PRRC2B: variants seen among roughly 807,000 people sequenced by gnomAD.
PRRC2B encodes the protein protein PRRC2B.
Under a neutral mutation model 242.3 loss-of-function variants are expected in PRRC2B, and 68 were observed. The observed-to-expected ratio is 0.28, with a 90% CI of 0.23 to 0.34. PRRC2B has a LOEUF of 0.34. Among genes scored for constraint, PRRC2B ranks in the 10% least tolerant of loss-of-function variants. PRRC2B has a pLI of 1.00. For synonymous variants in PRRC2B, 1,228 were observed against 1,173.6 expected (o/e 1.05, Z -0.95); for missense variants, 2,835 against 2,954.8 (o/e 0.96, Z 0.94).
At chr9:131,397,557 T>C (rs552940149) in intron 1 of PRRC2B, among the ~76,000 whole-genome samples, 77 of 129,678 alleles carry the variant, frequency 5.9e-4, no homozygotes, top group Non-Finnish European at 1.1e-3. Flanking sequence ...TATTGTACTT[T>C]TGAGGGTTTT....
intron 3 of PRRC2B, among the ~76,000 whole-genome samples, chr9:131,435,494 A>T (rs1838325927): frequency 1.3e-5 from 2 of 151,794 alleles, no homozygotes; most frequent in Non-Finnish European, 2.9e-5. Flanking sequence ...GCATAACTGT[A>T]ATCCCAGATA....
At chr9:131,493,559 T>A (rs1231038809) in intron 30 of PRRC2B, among the ~76,000 whole-genome samples, 2 of 152,238 alleles carry the variant, frequency 1.3e-5, no homozygotes, top group Admixed American at 6.5e-5. Context: ...TAGGAATGAA[T>A]GGCAGCAGAT....
At chr9:131,448,543 C>G (rs1408958286) in intron 9 of PRRC2B, among the ~76,000 whole-genome samples, 1 of 39,874 alleles carries the variant, frequency 2.5e-5, no homozygotes, top group Non-Finnish European at 5.3e-5. Flanking sequence ...GACACTGTCT[C>G]AAAAAAAAAA....
At position 131,458,158 on chromosome 9, in the gene PRRC2B, CT is replaced by C. The variant is rs139726854; in HGVS notation, c.1212-1001del. 9.4e-3 allele frequency among the ~76,000 whole-genome samples: 1,428 copies of C among 152,164 alleles called. 25 individuals carry two copies. Among genetic ancestry groups the C allele is most frequent in the African/African-American group, 0.033 (1,353 of 41,494 alleles). ...TCGGCTCTGCTTGTCTCCTCTTGCTCTTTTTATTGTGGCACTGTTTAGTAGT... is the reference window on the plus strand; with the variant it reads ...TCGGCTCTGCTTGTCTCCTCTTGCTCTTTTATTGTGGCACTGTTTAGTAGT... On this transcript the variant is annotated intron_variant, in intron 10 of 31. Coordinates refer to ENST00000683519, the MANE Select transcript of PRRC2B (RefSeq NM_013318.4).
At position 131,465,039 on chromosome 9, in the gene PRRC2B, A is replaced by G. The variant is rs1451974995; in HGVS notation, c.1681A>G (p.Lys561Glu). ...KEVPWSPSAEKASPQENGPAV... is the reference protein window; with the variant it reads ...KEVPWSPSAEEASPQENGPAV... ...AGTGCCCTGGTCTCCAAGTGCTGAG[A>G]AGGCATCTCCCCAGGAAAACGGCCC... The change falls in exon 12 of 32, where the codon AAG (lysine) becomes GAG (glutamate). Residue 561 changes from lysine (K) to glutamate (E), a missense_variant. This residue lies in a region of PRRC2B where 1,536 missense variants were observed against 1,483.1 expected (regional missense o/e 1.04). Coordinates refer to ENST00000683519, the MANE Select transcript of PRRC2B (RefSeq NM_013318.4). 6.2e-7 allele frequency: 1 copy of G among 1,613,956 alleles called. No homozygotes were observed. Among genetic ancestry groups the G allele is most frequent in the Admixed American group, 1.7e-5 (1 of 60,018 alleles).
intron 11 of PRRC2B, among the ~76,000 whole-genome samples, chr9:131,460,795 G>T (rs1175865294): frequency 6.6e-6 from 1 of 152,026 alleles, no homozygotes; most frequent in Non-Finnish European, 1.5e-5. Flanking sequence ...CCGGATGCAT[G>T]ACCTGTCTTG....
In PRRC2B at chr9:131,482,321, A is replaced by G. The variant is rs553654806; in HGVS notation, c.4984-50A>G. The G allele has an allele frequency of 2.6e-6, 4 of 1,511,512 alleles. No individual in the cohort carries two copies. The South Asian group carries it at 3.9e-5, about 15-fold the overall frequency. The allele number at this position is 1,511,512 out of a possible 1,614,324, so 93.6% of individuals were successfully genotyped here. ...TGCCACATGCAGTTTTACTCTCTGGATAATCGAGTTGGGAGTTTGAGGCTA... is the reference window on the plus strand; with the variant it reads ...TGCCACATGCAGTTTTACTCTCTGGGTAATCGAGTTGGGAGTTTGAGGCTA... On this transcript the variant is annotated intron_variant, in intron 20 of 31. Transcript: ENST00000683519. This position sits in a 1 kb window ranked among gnomAD's most constrained non-coding sequence, Gnocchi z 5.2.
chr9:131,400,905 A>C (rs1156846708), intron 1 of PRRC2B, among the ~76,000 whole-genome samples: 1 of 150,944 alleles, frequency 6.6e-6, no homozygotes, highest in Non-Finnish European at 1.5e-5. Context: ...GGTGGGGAGG[A>C]GGCCCTGGAG....
At chr9:131,455,241 A>C (rs1361464523) in intron 10 of PRRC2B, 75 bp downstream of exon 10, 8 of 1,023,720 alleles carry the variant, frequency 7.8e-6, no homozygotes, top group Non-Finnish European at 1.2e-5. Context: ...AGCATTTCCC[A>C]GTTTCCATAG....
chr9:131,400,963 CTT>C (rs765033495), intron 1 of PRRC2B, among the ~76,000 whole-genome samples: 21 of 131,282 alleles, frequency 1.6e-4, no homozygotes, highest in Non-Finnish European at 1.4e-4. Context: ...TTCTTTCTTT[CTT>C]TTTTTTTTTT....
intron 28 of PRRC2B, among the ~76,000 whole-genome samples, chr9:131,490,239 C>T (rs537325506): frequency 6.6e-6 from 1 of 150,768 alleles, no homozygotes; most frequent in Non-Finnish European, 1.5e-5. Context: ...CACCTCACCC[C>T]CTTACCCTTC....
intron 23 of PRRC2B, among the ~76,000 whole-genome samples, chr9:131,484,040 C>T (rs1943946578): frequency 6.6e-6 from 1 of 152,186 alleles, no homozygotes; most frequent in Non-Finnish European, 1.5e-5. Flanking sequence ...GAGTGCTGTA[C>T]AATATTCATA....
Position 131,468,824 on chromosome 9 carries a change from CTT to C in PRRC2B, c.1911+1072_1911+1073del, listed in dbSNP as rs1564293716. 2.0e-5 allele frequency among the ~76,000 whole-genome samples: 3 copies of C among 152,312 alleles called. No homozygotes were observed. In the East Asian group the frequency reaches 5.8e-4, roughly 29 times the overall value. Reference sequence around the variant, plus strand: ...ACCTTTAAACTTCTCACCTCAGCCTCTTCTCTCCTCTGGGCACCTGGGAGCCT... The same window carrying C: ...ACCTTTAAACTTCTCACCTCAGCCTCCTCTCCTCTGGGCACCTGGGAGCCT... On this transcript the variant is annotated intron_variant, in intron 13 of 31. Coordinates refer to ENST00000683519, the MANE Select transcript of PRRC2B (RefSeq NM_013318.4).
intron 1 of PRRC2B, among the ~76,000 whole-genome samples, chr9:131,420,522 T>TCC (rs1468544764): frequency 7.7e-6 from 1 of 130,212 alleles, no homozygotes; most frequent in Admixed American, 8.4e-5. Context: ...AGATGGAGGC[T>TCC]CCCTCTGTCG....
rs145805573 is a variant in PRRC2B at position 131,476,842 on chromosome 9, G to T, written c.4406+307G>T. Among the ~76,000 whole-genome samples, 561 of 151,938 alleles carry T rather than the reference G, an allele frequency of 3.7e-3. 5 individuals carry two copies. The highest frequency in any genetic ancestry group is 0.013 in the African/African-American group (550 of 41,506). On this transcript the variant is annotated intron_variant, in intron 16 of 31. Transcript: ENST00000683519. The stretch of plus-strand genomic sequence containing the variant: ...CCGAGGGGCCGCTGCAGCGAGGAAC[G>T]TTGCCTGTGCACAGTGCCAGGTGCC...
intron 17 of PRRC2B, 34 bp from the exon 18 acceptor site, chr9:131,478,440 A>T (rs1236151572): frequency 6.2e-7 from 1 of 1,607,210 alleles, no homozygotes; most frequent in Non-Finnish European, 8.5e-7. Flanking sequence ...TGGTGAGTGG[A>T]AAGACTGTTC....
At chr9:131,420,448 T>G (rs1314597723) in intron 1 of PRRC2B, among the ~76,000 whole-genome samples, 1 of 90,514 alleles carries the variant, frequency 1.1e-5, no homozygotes, top group East Asian at 3.0e-4. Flanking sequence ...TCTTTTTCTT[T>G]TTCTTTTTCT....
At chr9:131,405,515 C>T (rs1025056975) in intron 1 of PRRC2B, among the ~76,000 whole-genome samples, 7 of 152,126 alleles carry the variant, frequency 4.6e-5, no homozygotes, top group Admixed American at 1.3e-4. Flanking sequence ...TCTCACTTCT[C>T]GACTCAACCT....
At chr9:131,387,061 G>A (rs1260126925) in intron 1 of PRRC2B, among the ~76,000 whole-genome samples, 1 of 149,728 alleles carries the variant, frequency 6.7e-6, no homozygotes, top group Non-Finnish European at 1.5e-5. Context: ...GAGTGCAATG[G>A]CACGATCTCG....
Sources: allele counts gnomAD v4.1 joint callset (sites outside exome capture counted in the v4.1 genomes callset), GRCh38; gene constraint gnomAD v4.1.1; regional missense constraint gnomAD v4.1.1; non-coding constraint Gnocchi (gnomAD v3.1); transcripts MANE v1.5; gene names NCBI Gene and HGNC (gene_info 2026-07-23, HGNC 2026-07-21).